PCDHA5: variants seen among roughly 807,000 people sequenced by gnomAD.
PCDHA5 encodes the protein protocadherin alpha 5.
Under a neutral mutation model 61.6 loss-of-function variants are expected in PCDHA5, and 43 were observed. The observed-to-expected ratio is 0.70, with a 90% CI of 0.55 to 0.90. The LOEUF is 0.90. Among genes scored for constraint, PCDHA5 ranks in the 40% least tolerant of loss-of-function variants. The pLI is 0.00. For missense variants in PCDHA5, 1,298 were observed against 1,222.7 expected, an observed-to-expected ratio of 1.06 and a Z score of -0.92; for synonymous variants, 627 against 543.9, an observed-to-expected ratio of 1.15 and a Z score of -2.13.
At chr5:140,877,299 C>T in intron 1 of PCDHA5, 1 of 1,613,922 alleles carries the variant, frequency 6.2e-7, no homozygotes. Flanking sequence ...GGCTGTCCTA[C>T]GAGTTGCAAC....
chr5:140,929,554 C>G (rs899446101), intron 1 of PCDHA5: 17 of 488,414 alleles, frequency 3.5e-5, no homozygotes, highest in Non-Finnish European at 5.5e-5. Flanking sequence ...AAAATTAAAA[C>G]CTATTTAAGA....
intron 1 of PCDHA5, chr5:140,856,833 G>T (rs1554149194): frequency 1.9e-6 from 3 of 1,591,548 alleles, no homozygotes; most frequent in Admixed American, 1.7e-5. Flanking sequence ...TTAGTAATAC[G>T]GCTCAACGCT....
At chr5:140,897,591 T>C (rs542451957) in intron 1 of PCDHA5, among the ~76,000 whole-genome samples, 1 of 152,312 alleles carries the variant, frequency 6.6e-6, no homozygotes, top group African/African-American at 2.4e-5. Flanking sequence ...TCTGTCATTG[T>C]TGGACATTTG....
chr5:140,928,012 A>G (rs2084863036), intron 1 of PCDHA5: 2 of 1,614,190 alleles, frequency 1.2e-6, no homozygotes, highest in African/African-American at 2.7e-5. Context: ...TTCTAATGGT[A>G]GGGTCATTTG....
At chr5:140,830,820 G>C (rs1771259303) in intron 1 of PCDHA5, 2 of 156,158 alleles carry the variant, frequency 1.3e-5, no homozygotes, top group African/African-American at 4.8e-5. Flanking sequence ...GTTTGCCTTT[G>C]AGCTTTAGGA....
In PCDHA5 at chr5:141,011,722, G is replaced by T. The variant is rs1229946779; in HGVS notation, c.*1785G>T. On this transcript the variant is annotated 3_prime_UTR_variant, in exon 4 of 4. Transcript: ENST00000529859. Reference sequence around the variant, plus strand: ...TGAATACTGACAATATTCCATGAGGGTGTGCAAGCACAAATTTTACCAATC... The same window carrying T: ...TGAATACTGACAATATTCCATGAGGTTGTGCAAGCACAAATTTTACCAATC... The T allele has an allele frequency of 6.5e-6, 1 of 153,690 alleles. No homozygotes were observed. The highest frequency in any genetic ancestry group is 1.5e-5 in the Non-Finnish European group (1 of 68,018). 9.5% of individuals were successfully genotyped at this position (153,690 alleles called of 1,614,324 possible).
chr5:140,828,011 G>A, intron 1 of PCDHA5: 1 of 1,508,268 alleles, frequency 6.6e-7, no homozygotes, highest in Admixed American at 2.2e-5. Context: ...AGAAGAAATG[G>A]ATTAATAAAT....
intron 1 of PCDHA5, among the ~76,000 whole-genome samples, chr5:140,838,628 T>G (rs1364400587): frequency 2.0e-5 from 3 of 151,994 alleles, no homozygotes; most frequent in African/African-American, 7.3e-5. Flanking sequence ...TTACAAATAA[T>G]TTGGTTGGTC....
chr5:140,902,555 T>C (rs538054274), intron 1 of PCDHA5, among the ~76,000 whole-genome samples: 1 of 152,182 alleles, frequency 6.6e-6, no homozygotes, highest in Non-Finnish European at 1.5e-5. Flanking sequence ...TATACCCAGA[T>C]TTTTGAGGGT....
At chr5:140,924,028 G>A (rs908427261) in intron 1 of PCDHA5, among the ~76,000 whole-genome samples, 2 of 152,158 alleles carry the variant, frequency 1.3e-5, no homozygotes, top group South Asian at 4.1e-4. Context: ...TGGAGGCATG[G>A]CTGCAGACCT....
intron 1 of PCDHA5, among the ~76,000 whole-genome samples, chr5:140,950,569 T>C (rs969438550): frequency 1.3e-5 from 2 of 152,120 alleles, no homozygotes; most frequent in African/African-American, 2.4e-5. Context: ...TATTTTAAGG[T>C]TTTCTACTTA....
chr5:140,952,215 C>T (rs2094705548), intron 1 of PCDHA5, among the ~76,000 whole-genome samples: 1 of 152,034 alleles, frequency 6.6e-6, no homozygotes, highest in African/African-American at 2.4e-5. Context: ...GCAGCTTTTC[C>T]AGGCACAGTG....
intron 1 of PCDHA5, chr5:140,928,370 C>T (rs2085193734): frequency 6.2e-7 from 1 of 1,614,062 alleles, no homozygotes; most frequent in South Asian, 1.1e-5. Context: ...GAAGGGCCAT[C>T]AGCCTCTAGC....
At chr5:140,931,884 T>A (rs1554208638) in intron 1 of PCDHA5, among the ~76,000 whole-genome samples, 1 of 151,972 alleles carries the variant, frequency 6.6e-6, no homozygotes, top group Non-Finnish European at 1.5e-5. Flanking sequence ...ATTGCTTTCA[T>A]TTTATTTCAA....
intron 1 of PCDHA5, chr5:140,829,600 G>C (rs782636374): frequency 6.2e-7 from 1 of 1,612,044 alleles, no homozygotes; most frequent in Non-Finnish European, 8.5e-7. Flanking sequence ...GCGAGCGCGC[G>C]TTGTCGAGCT....
intron 1 of PCDHA5, among the ~76,000 whole-genome samples, chr5:140,903,619 A>T (rs1272385465): frequency 1.3e-5 from 2 of 152,226 alleles, no homozygotes; most frequent in African/African-American, 2.4e-5. Flanking sequence ...ATGAATGTGC[A>T]TGCATATGTA....
At chr5:140,884,995 T>C (rs1168400289) in intron 1 of PCDHA5, among the ~76,000 whole-genome samples, 1 of 152,228 alleles carries the variant, frequency 6.6e-6, no homozygotes, top group African/African-American at 2.4e-5. Context: ...AAAATGTTTG[T>C]TTTAATGAGG....
chr5:140,923,155 A>G (rs1316496589), intron 1 of PCDHA5, among the ~76,000 whole-genome samples: 4 of 152,236 alleles, frequency 2.6e-5, no homozygotes, highest in Non-Finnish European at 5.9e-5. Context: ...AAAAAATTAT[A>G]GAAAGATAAA....
rs781807025 is a variant in PCDHA5, at chr5:140,872,165, CTT to C, written c.2352+48049_2352+48050del. Among the ~76,000 whole-genome samples the C allele has an allele frequency of 5.6e-3, 809 of 144,322 alleles. 4 individuals are homozygous for C. Among genetic ancestry groups the C allele is most frequent in the Middle Eastern group, 0.014 (4 of 276 alleles). 94.7% of individuals were successfully genotyped at this position (144,322 alleles called of 152,430 possible). On this transcript the variant is annotated intron_variant, in intron 1 of 3. Transcript: ENST00000529859. The stretch of plus-strand genomic sequence containing the variant: ...CATTAGTATGACATGATTTACTTTT[CTT>C]TTTTTTTTTTACAGTGTTAAACGTT...
Sources: gnomAD v4.1 joint callset for allele counts (sites outside exome capture counted in the v4.1 genomes callset) on GRCh38, gnomAD v4.1.1 for gene constraint, MANE v1.5 for transcripts, NCBI Gene and HGNC (gene_info 2026-07-23, HGNC 2026-07-21) for gene names.